ITGB6: variants seen among roughly 807,000 people sequenced by gnomAD.
ITGB6 encodes the protein integrin beta-6.
ITGB6 carries 80 observed loss-of-function variants against 84.5 expected under a neutral mutation model. The observed-to-expected ratio is 0.95, with a 90% CI of 0.79 to 1.14. ITGB6 has a LOEUF of 1.14. ITGB6 is among the 50% of genes most tolerant of loss of function. ITGB6 has a pLI of 0.00. For synonymous variants in ITGB6, 383 were observed against 354.9 expected, an observed-to-expected ratio of 1.08 and a Z score of -0.89; for missense variants, 1,006 against 968.0, an observed-to-expected ratio of 1.04 and a Z score of -0.52.
intron 10 of ITGB6, among the ~76,000 whole-genome samples, chr2:160,126,970 A>G (rs1683268953): frequency 6.6e-6 from 1 of 152,200 alleles, no homozygotes; most frequent in African/African-American, 2.4e-5. Context: ...GTGGTCCGAC[A>G]TGCCTTATTA....
In ITGB6 at chr2:160,178,690, T is replaced by TC. The variant is rs1685539397; in HGVS notation, c.594-4552_594-4551insG. On this transcript the variant is annotated intron_variant, in intron 4 of 14. Coordinates refer to ENST00000283249, the MANE Select transcript of ITGB6 (RefSeq NM_000888.5). ...TATCTTTCTCTCTCTCTCTCTCTCT[T>TC]TTTTTTTTTTTTTTTTTTTGAGACA... is the stretch of plus-strand genomic sequence containing the variant. Among the ~76,000 whole-genome samples the TC allele has an allele frequency of 2.7e-4, 7 of 25,940 alleles. No individual in the cohort carries two copies. In the East Asian group the frequency reaches 4.7e-3, roughly 17 times the overall value. 17.0% of individuals were successfully genotyped at this position (25,940 alleles called of 152,430 possible).
At chr2:160,191,098 C>T (rs1686122443) in intron 4 of ITGB6, among the ~76,000 whole-genome samples, 1 of 152,142 alleles carries the variant, frequency 6.6e-6, no homozygotes, top group Admixed American at 6.6e-5. Context: ...ATTAGCAATA[C>T]TTTTATGTTA....
At chr2:160,147,674 T>C (rs963998228) in intron 7 of ITGB6, among the ~76,000 whole-genome samples, 2 of 152,024 alleles carry the variant, frequency 1.3e-5, no homozygotes, top group Admixed American at 6.5e-5. Context: ...TAGACCTACA[T>C]AAATATAGTC....
Position 160,137,479 on chromosome 2 carries a change from A to T in ITGB6, c.1615T>A (p.Cys539Ser), listed in dbSNP as rs781330759. 6.2e-7 allele frequency: 1 copy of T among 1,613,440 alleles called. No homozygotes were observed. Among genetic ancestry groups the T allele is most frequent in the Non-Finnish European group, 8.5e-7 (1 of 1,179,422 alleles). The part of the protein sequence containing the change: ...YGNIYGPYCQ[C>S]DNFSCVRHKG... ...TGTCTCACGCAGGAGAAATTGTCAC[A>T]CTGGCAATAAGGCCCATAAATGTTT... The change falls in exon 10 of 15, where the codon TGT (cysteine) becomes AGT (serine). Residue 539 changes from cysteine (C) to serine (S), a missense_variant. By Grantham distance (112) the Cys-to-Ser change is moderately radical. Coordinates refer to ENST00000283249, the MANE Select transcript of ITGB6 (RefSeq NM_000888.5).
Position 160,107,718 on chromosome 2 carries a change from G to A in ITGB6, c.2229C>T (p.Ala743=). The part of the protein sequence containing the change: ...LVSFHDRKEV[A]KFEAERSKAK... ...CTTTTGATCGTTCTGCTTCAAATTT[G>A]GCAACTTCTTTACGATCATGAAATG... The change falls in exon 14 of 15, where the codon GCC becomes GCT. Residue 743 remains alanine, a synonymous_variant. Transcript: ENST00000283249. The A allele has an allele frequency of 6.2e-7, 1 of 1,614,030 alleles. No homozygotes were observed. The highest frequency in any genetic ancestry group is 1.1e-5 in the South Asian group (1 of 91,072).
chr2:160,117,959 AACC>A (rs1682859471), intron 12 of ITGB6, among the ~76,000 whole-genome samples: 1 of 152,214 alleles, frequency 6.6e-6, no homozygotes, highest in Non-Finnish European at 1.5e-5. Flanking sequence ...CCCAAGACTA[AACC>A]AGGAAGAAGT....
At chr2:160,133,924 A>T (rs1265462056) in intron 10 of ITGB6, among the ~76,000 whole-genome samples, 3 of 152,190 alleles carry the variant, frequency 2.0e-5, no homozygotes, top group Non-Finnish European at 2.9e-5. Flanking sequence ...AGGGAAATTT[A>T]TCACACTAAA....
intron 7 of ITGB6, among the ~76,000 whole-genome samples, chr2:160,164,489 T>TGA (rs1378016892): frequency 6.6e-6 from 1 of 152,104 alleles, no homozygotes; most frequent in Non-Finnish European, 1.5e-5. Flanking sequence ...GCCAGGAGTT[T>TGA]GAGATCAGTT....
chr2:160,120,758 G>T (rs1222224660), intron 12 of ITGB6, among the ~76,000 whole-genome samples: 1 of 135,788 alleles, frequency 7.4e-6, no homozygotes, highest in East Asian at 2.1e-4. Flanking sequence ...CATGTCCTTT[G>T]TAGGGACATG....
rs868269231 is a variant in ITGB6 at position 160,131,915 on chromosome 2, C to T, written c.1661-5314G>A. 2.0e-5 allele frequency among the ~76,000 whole-genome samples: 3 copies of T among 152,142 alleles called. No individual in the cohort carries two copies. The South Asian group carries it at 6.2e-4, about 32-fold the overall frequency. On this transcript the variant is annotated intron_variant, in intron 10 of 14. Coordinates refer to ENST00000283249, the MANE Select transcript of ITGB6 (RefSeq NM_000888.5). The stretch of plus-strand genomic sequence containing the variant: ...GGTAAAAAATAAAGCGAAAGACCAT[C>T]AAGCAAAGCTCTGTTGCTAAACAGA...
At chr2:160,155,071 T>C (rs1684573421) in intron 7 of ITGB6, among the ~76,000 whole-genome samples, 1 of 152,250 alleles carries the variant, frequency 6.6e-6, no homozygotes, top group South Asian at 2.1e-4. Context: ...TTTTCCTTCA[T>C]GTTCTTCCAT....
intron 7 of ITGB6, among the ~76,000 whole-genome samples, chr2:160,144,914 G>T (rs1684134864): frequency 6.6e-6 from 1 of 152,188 alleles, no homozygotes; most frequent in African/African-American, 2.4e-5. Flanking sequence ...CAATTGCACA[G>T]AGGAAAACTA....
rs13009231 is a variant in ITGB6, at chr2:160,107,546, G to T, written c.2268+133C>A. The T allele has an allele frequency of 0.42, 317,203 of 749,822 alleles. 72,414 individuals carry two copies. The highest frequency in any genetic ancestry group is 0.49 in the Non-Finnish European group (220,543 of 448,902). 46.4% of individuals were successfully genotyped at this position (749,822 alleles called of 1,614,324 possible). On this transcript the variant is annotated intron_variant, in intron 14 of 14. Coordinates refer to ENST00000283249, the MANE Select transcript of ITGB6 (RefSeq NM_000888.5). ...AAGCAGAACAGAAATCAAAGCTGTTGGAGTCATGGCGAGAGTGGGAGAGAA... is the reference window on the plus strand; with the variant it reads ...AAGCAGAACAGAAATCAAAGCTGTTTGAGTCATGGCGAGAGTGGGAGAGAA...
At chr2:160,133,886 T>A (rs987948743) in intron 10 of ITGB6, among the ~76,000 whole-genome samples, 1 of 151,796 alleles carries the variant, frequency 6.6e-6, no homozygotes, top group Non-Finnish European at 1.5e-5. Flanking sequence ...TACCAGAATC[T>A]CTGGGACACA....
intron 4 of ITGB6, among the ~76,000 whole-genome samples, chr2:160,189,940 A>T (rs561559501): frequency 5.4e-4 from 82 of 152,154 alleles, no homozygotes; most frequent in Non-Finnish European, 1.1e-3. Context: ...AATAGCAAAG[A>T]CTTGGAACCA....
intron 4 of ITGB6, among the ~76,000 whole-genome samples, chr2:160,188,468 C>T (rs1448966139): frequency 6.6e-6 from 1 of 152,142 alleles, no homozygotes; most frequent in Non-Finnish European, 1.5e-5. Context: ...CTTCAGGTCT[C>T]CAATTTTTGC....
intron 14 of ITGB6, among the ~76,000 whole-genome samples, chr2:160,102,729 A>G (rs1696767584): frequency 6.6e-6 from 1 of 152,156 alleles, no homozygotes; most frequent in Non-Finnish European, 1.5e-5. Flanking sequence ...AGGCCGGAGG[A>G]AGGTGTCTGG....
intron 2 of ITGB6, among the ~76,000 whole-genome samples, chr2:160,196,652 G>A (rs1283765597): frequency 6.6e-6 from 1 of 152,044 alleles, no homozygotes; most frequent in Non-Finnish European, 1.5e-5. Context: ...TTTCAGTTAT[G>A]TTCAATTGAA....
intron 7 of ITGB6, among the ~76,000 whole-genome samples, chr2:160,142,944 C>A (rs564322428): frequency 5.9e-4 from 90 of 152,270 alleles, no homozygotes; most frequent in Middle Eastern, 3.4e-3. Context: ...AAAGATTCCC[C>A]AAAATACTTT....
Sources: gnomAD v4.1 joint callset for allele counts (sites outside exome capture counted in the v4.1 genomes callset) on GRCh38, gnomAD v4.1.1 for gene constraint, MANE v1.5 for transcripts, NCBI Gene and HGNC (gene_info 2026-07-23, HGNC 2026-07-21) for gene names.